The following URM1 variants were observed in gnomAD, a reference collection of about 807,000 sequenced individuals.
URM1 encodes the protein ubiquitin related modifier 1.
Under a neutral mutation model 17.7 loss-of-function variants are expected in URM1, and 11 were observed. The ratio of observed to expected loss-of-function variants is 0.62; its 90% CI spans 0.39 to 1.03. The LOEUF is 1.03. Ranked by LOEUF, URM1 falls within the 50% of genes least tolerant of loss-of-function variation. The pLI is 0.00. For missense variants in URM1, 128 were observed against 129.2 expected (o/e 0.99, Z 0.04); for synonymous variants, 48 against 50.6 (o/e 0.95, Z 0.22).
intron 2 of URM1, among the ~76,000 whole-genome samples, chr9:128,384,156 C>T (rs918811730): frequency 3.3e-5 from 5 of 152,182 alleles, no homozygotes; most frequent in East Asian, 1.9e-4. Context: ...CTAAGGCCAT[C>T]GAGCACACAG....
At chr9:128,389,393 T>A in intron 4 of URM1, 84 bp downstream of exon 4, 6 of 1,612,970 alleles carry the variant, frequency 3.7e-6, no homozygotes, top group Non-Finnish European at 5.1e-6. Context: ...CTCAGGCACA[T>A]ATAGAGTGGC....
chr9:128,385,627 CT>C (rs1011718773), intron 2 of URM1, among the ~76,000 whole-genome samples: 1 of 152,178 alleles, frequency 6.6e-6, no homozygotes, highest in Non-Finnish European at 1.5e-5. Flanking sequence ...TCCTCCTCCC[CT>C]GGGCGCCTTT....
At chr9:128,379,106 G>A (rs1833122013) in intron 2 of URM1, among the ~76,000 whole-genome samples, 1 of 152,168 alleles carries the variant, frequency 6.6e-6, no homozygotes, top group Non-Finnish European at 1.5e-5. Flanking sequence ...CTCCACCTAT[G>A]ACTGAGATAC....
At chr9:128,388,026 C>T in intron 3 of URM1, 129 bp downstream of exon 3, 3 of 1,415,560 alleles carry the variant, frequency 2.1e-6, no homozygotes, top group Non-Finnish European at 2.8e-6. Flanking sequence ...ACTCTTCCAG[C>T]TCTGAGATCT....
At position 128,387,971 on chromosome 9, in the gene URM1, A is replaced by G. The variant is rs989766606; in HGVS notation, c.188+74A>G. 3 of 1,583,522 alleles carry G rather than the reference A, an allele frequency of 1.9e-6. No individual in the cohort carries two copies. The African/African-American group carries it at 4.0e-5, about 21-fold the overall frequency. On this transcript the variant is annotated intron_variant, in intron 3 of 4. Coordinates refer to ENST00000372853, the MANE Select transcript of URM1 (RefSeq NM_030914.4). The surrounding 1 kb of genome is among the most constrained non-coding windows in gnomAD (Gnocchi z 4.3). Reference sequence around the variant, plus strand: ...TATTTGAGCCCCCACCCTCGGGTTCAGTCCTGGCCTTCTCTGAATCCGGTT... The same window carrying G: ...TATTTGAGCCCCCACCCTCGGGTTCGGTCCTGGCCTTCTCTGAATCCGGTT...
intron 2 of URM1, among the ~76,000 whole-genome samples, chr9:128,381,511 A>G (rs1184758036): frequency 6.6e-6 from 1 of 152,154 alleles, no homozygotes; most frequent in Non-Finnish European, 1.5e-5. Context: ...AGCCAGGCCA[A>G]CATGGTGAAA....
At chr9:128,371,436 G>T (rs767871278) in intron 1 of URM1, 21 bp downstream of exon 1, 2 of 1,610,430 alleles carry the variant, frequency 1.2e-6, no homozygotes, top group Non-Finnish European at 1.7e-6. Context: ...GAGCTGGGGC[G>T]CCGTGGGGAT....
At chr9:128,389,005 AC>A in intron 3 of URM1, 1 of 1,305,850 alleles carries the variant, frequency 7.7e-7, no homozygotes, top group Non-Finnish European at 9.7e-7. Flanking sequence ...AAACAAAATG[AC>A]CTGCCCATGG....
intron 2 of URM1, among the ~76,000 whole-genome samples, chr9:128,383,857 G>A (rs769036695): frequency 3.3e-5 from 5 of 152,290 alleles, no homozygotes; most frequent in African/African-American, 4.8e-5. Flanking sequence ...CAAGTCCACC[G>A]GGGCGAGGGA....
chr9:128,373,492 C>T (rs910483837), intron 1 of URM1, among the ~76,000 whole-genome samples: 13 of 152,130 alleles, frequency 8.5e-5, no homozygotes, highest in Non-Finnish European at 1.8e-4. Context: ...AGATGTAGTC[C>T]TCTTGGCCCC....
chr9:128,389,114 TC>T, intron 3 of URM1, 146 bp from the exon 4 acceptor site: 1 of 1,456,662 alleles, frequency 6.9e-7, no homozygotes, highest in Non-Finnish European at 9.0e-7. Flanking sequence ...CAGACCAGCC[TC>T]CCCTTCCTGG....
At chr9:128,388,122 C>T (rs887770043) in intron 3 of URM1, 3 of 1,330,798 alleles carry the variant, frequency 2.3e-6, no homozygotes, top group Non-Finnish European at 2.9e-6. Context: ...TCTCAGAAAA[C>T]TTGGATTCTG....
intron 2 of URM1, among the ~76,000 whole-genome samples, chr9:128,386,116 G>A (rs936951720): frequency 6.6e-6 from 1 of 152,202 alleles, no homozygotes; most frequent in Non-Finnish European, 1.5e-5. Flanking sequence ...TTGAGTCCTG[G>A]TTCCATGCAG....
intron 1 of URM1, among the ~76,000 whole-genome samples, chr9:128,372,296 G>GGT (rs376150336): frequency 6.8e-6 from 1 of 147,426 alleles, no homozygotes; most frequent in African/African-American, 2.7e-5. Flanking sequence ...GGAATAGGTA[G>GGT]GTGTGTGTGT....
Position 128,371,380 on chromosome 9 carries a change from C to G in URM1, c.-1C>G. On this transcript the variant is annotated 5_prime_UTR_variant, in exon 1 of 5. Transcript: ENST00000372853. The stretch of plus-strand genomic sequence containing the variant: ...TTTCCTGCGAGCTCGGCTTCCTCAA[C>G]ATGGCTGCGCCCTTGTCAGTGGAGG... 6.2e-7 allele frequency: 1 copy of G among 1,613,228 alleles called. No homozygotes were observed. Among genetic ancestry groups the G allele is most frequent in the Non-Finnish European group, 8.5e-7 (1 of 1,179,476 alleles).
chr9:128,380,355 C>T lies in URM1; in HGVS notation c.106+2249C>T, dbSNP rs560927927. 3.0e-3 allele frequency among the ~76,000 whole-genome samples: 450 copies of T among 152,190 alleles called. 1 individual carries two copies. The highest frequency in any genetic ancestry group is 5.2e-3 in the Non-Finnish European group (355 of 68,014). On this transcript the variant is annotated intron_variant, in intron 2 of 4. Coordinates refer to ENST00000372853, the MANE Select transcript of URM1 (RefSeq NM_030914.4). The stretch of plus-strand genomic sequence containing the variant: ...GGGGGACACTTACTGAGGAGCAGGT[C>T]ACTGCCCACATTGAGCTGGGAGGGG...
chr9:128,382,163 T>C (rs1024108708), intron 2 of URM1, among the ~76,000 whole-genome samples: 1 of 152,112 alleles, frequency 6.6e-6, no homozygotes, highest in Admixed American at 6.5e-5. Flanking sequence ...GAAGGCACAA[T>C]GGCCCACTTA....
intron 2 of URM1, among the ~76,000 whole-genome samples, chr9:128,378,506 G>GTACTCTA (rs1368156870): frequency 8.6e-6 from 1 of 116,246 alleles, no homozygotes; most frequent in East Asian, 3.0e-4. Context: ...TCATGCCACT[G>GTACTCTA]TACTCTAGCC....
chr9:128,386,731 A>G (rs1415333571), intron 2 of URM1, among the ~76,000 whole-genome samples: 4 of 152,208 alleles, frequency 2.6e-5, no homozygotes, highest in Non-Finnish European at 4.4e-5. Flanking sequence ...CCAGGCAGGA[A>G]AATCAAGGCC....
Sources: allele counts gnomAD v4.1 joint callset (sites outside exome capture counted in the v4.1 genomes callset), GRCh38; gene constraint gnomAD v4.1.1; non-coding constraint Gnocchi (gnomAD v3.1); transcripts MANE v1.5; gene names NCBI Gene and HGNC (gene_info 2026-07-23, HGNC 2026-07-21).